Variants in PTPRD observed in about 807,000 individuals in gnomAD.
PTPRD encodes protein tyrosine phosphatase receptor type D.
In PTPRD, 34 loss-of-function variants were observed where a neutral mutation model predicts 214.5. That is an observed-to-expected ratio of 0.16 (90% confidence interval 0.12 to 0.21). The LOEUF is 0.21. Among genes scored for constraint, PTPRD ranks in the 10% least tolerant of loss-of-function variants. The probability of loss-of-function intolerance (pLI) is 1.00; values close to 1 mark genes in which losing one functional copy is unlikely to be tolerated. For missense variants in PTPRD, 2,545 were observed against 2,398.7 expected (o/e 1.06, Z -1.27); for synonymous variants, 1,128 against 845.7 (o/e 1.33, Z -5.79).
chr9:9,215,173 A>G (rs989380835), intron 9 of PTPRD, among the ~76,000 whole-genome samples: 1 of 152,204 alleles, frequency 6.6e-6, no homozygotes, highest in Non-Finnish European at 1.5e-5. Context: ...AACTTCCTTT[A>G]GAAGTCATCT....
chr9:9,540,450 A>G (rs1045784042), intron 8 of PTPRD, among the ~76,000 whole-genome samples: 1 of 151,912 alleles, frequency 6.6e-6, no homozygotes, highest in South Asian at 2.1e-4. Flanking sequence ...AATGTACAGT[A>G]ATGAAGTCTA....
At chr9:9,429,136 T>A (rs1569568250) in intron 8 of PTPRD, among the ~76,000 whole-genome samples, 1 of 151,582 alleles carries the variant, frequency 6.6e-6, no homozygotes. Flanking sequence ...AAAAGATCAA[T>A]GAAATTGATA....
At chr9:9,709,090 T>G (rs975053140) in intron 7 of PTPRD, among the ~76,000 whole-genome samples, 1 of 152,000 alleles carries the variant, frequency 6.6e-6, no homozygotes, top group Admixed American at 6.5e-5. Context: ...TTTCTTACTC[T>G]GAATAAATTG....
chr9:8,837,156 G>C (rs1184515362), intron 11 of PTPRD, among the ~76,000 whole-genome samples: 1 of 151,468 alleles, frequency 6.6e-6, no homozygotes, highest in Non-Finnish European at 1.5e-5. Flanking sequence ...CTCCCTAGTA[G>C]CTGGGATTAC....
At chr9:10,119,571 C>T (rs2382106) in intron 3 of PTPRD, among the ~76,000 whole-genome samples, 17,653 of 151,618 alleles carry the variant, frequency 0.12, 1,140 homozygotes, top group South Asian at 0.28. Context: ...ATAAAATAAA[C>T]GTGTCAAAGA....
chr9:8,769,253 C>A (rs568654088), intron 11 of PTPRD, among the ~76,000 whole-genome samples: 10 of 151,806 alleles, frequency 6.6e-5, no homozygotes, highest in African/African-American at 2.2e-4. Context: ...TTCGGAATTT[C>A]TTTATTTACT....
intron 3 of PTPRD, among the ~76,000 whole-genome samples, chr9:10,314,656 A>G (rs1440286859): frequency 6.6e-6 from 1 of 151,902 alleles, no homozygotes; most frequent in Non-Finnish European, 1.5e-5. Context: ...TATAGATTAG[A>G]TAGAGATAAT....
chr9:8,597,755 C>G (rs189120900), intron 14 of PTPRD, among the ~76,000 whole-genome samples: 14 of 152,224 alleles, frequency 9.2e-5, no homozygotes, highest in African/African-American at 3.4e-4. Context: ...TTCTCAAATA[C>G]TTATGTGGCT....
intron 3 of PTPRD, among the ~76,000 whole-genome samples, chr9:10,074,161 G>C (rs2098088259): frequency 6.6e-6 from 1 of 152,104 alleles, no homozygotes; most frequent in Non-Finnish European, 1.5e-5. Flanking sequence ...ATGTTTACTG[G>C]ATAGAATCAT....
chr9:10,023,607 A>G (rs2096865499), intron 4 of PTPRD, among the ~76,000 whole-genome samples: 1 of 149,706 alleles, frequency 6.7e-6, no homozygotes, highest in Non-Finnish European at 1.5e-5. Flanking sequence ...ATTTGCCAGA[A>G]CTTACATGGA....
In PTPRD at chr9:10,354,674, C is replaced by G. The variant is rs141916199; in HGVS notation, c.-599-13657G>C. On this transcript the variant is annotated intron_variant, in intron 2 of 45. Coordinates refer to ENST00000381196, the MANE Select transcript of PTPRD (RefSeq NM_002839.4). ...TTAAAATACCTTATCTGTCATATTA[C>G]TAGAAGGATTATATGAGGACACTGA... is the stretch of plus-strand genomic sequence containing the variant. 3.5e-3 allele frequency among the ~76,000 whole-genome samples: 534 copies of G among 152,218 alleles called. 5 individuals carry two copies. The highest frequency in any genetic ancestry group is 0.012 in the African/African-American group (510 of 41,530).
At chr9:9,341,498 C>T (rs2046794162) in intron 9 of PTPRD, among the ~76,000 whole-genome samples, 1 of 152,100 alleles carries the variant, frequency 6.6e-6, no homozygotes, top group African/African-American at 2.4e-5. Context: ...GCCTGGTTTC[C>T]TGGCACTTGT....
At chr9:9,162,448 CCAAGTAACAACCAGCATA>C (rs1055086153) in intron 10 of PTPRD, among the ~76,000 whole-genome samples, 3 of 152,062 alleles carry the variant, frequency 2.0e-5, no homozygotes, top group African/African-American at 7.2e-5. Flanking sequence ...TTCTCACTGC[CCAAGTAACAACCAGCATA>C]CACCTTTTCC....
At chr9:9,951,556 C>G (rs1173658419) in intron 4 of PTPRD, among the ~76,000 whole-genome samples, 1 of 152,186 alleles carries the variant, frequency 6.6e-6, no homozygotes, top group Non-Finnish European at 1.5e-5. Flanking sequence ...AACAGCACCC[C>G]CCAATGTTTC....
chr9:9,454,982 A>C (rs1408806791), intron 8 of PTPRD, among the ~76,000 whole-genome samples: 2 of 151,698 alleles, frequency 1.3e-5, no homozygotes, highest in African/African-American at 2.4e-5. Flanking sequence ...GCCTAAGGGC[A>C]CAGATTTATT....
chr9:9,964,405 G>A (rs2094552525), intron 4 of PTPRD, among the ~76,000 whole-genome samples: 1 of 152,180 alleles, frequency 6.6e-6, no homozygotes, highest in Non-Finnish European at 1.5e-5. Context: ...TTGAGAGAAT[G>A]AGAATGTTTT....
chr9:9,529,301 T>TAA (rs774855581), intron 8 of PTPRD, among the ~76,000 whole-genome samples: 61 of 143,538 alleles, frequency 4.2e-4, no homozygotes, highest in Non-Finnish European at 8.1e-4. Flanking sequence ...ATGGATTCAT[T>TAA]AAAAAAAAAA....
intron 5 of PTPRD, among the ~76,000 whole-genome samples, chr9:9,896,595 A>AT (rs1330267231): frequency 6.6e-6 from 1 of 152,046 alleles, no homozygotes; most frequent in Non-Finnish European, 1.5e-5. Flanking sequence ...GAACATTTAT[A>AT]TTTTTTTACA....
At position 8,404,406 on chromosome 9, in the gene PTPRD, G is replaced by C. The variant is rs1331805854; in HGVS notation, c.4210+131C>G. ...AGCCTCCCAAAGTGCTGGGATTACA[G>C]GCGTGAGCCACCATGCACAGCCATC... is the stretch of plus-strand genomic sequence containing the variant. On this transcript the variant is annotated intron_variant, in intron 36 of 45. Coordinates refer to ENST00000381196, the MANE Select transcript of PTPRD (RefSeq NM_002839.4). 5 of 1,251,714 alleles carry C rather than the reference G, an allele frequency of 4.0e-6. No homozygotes were observed. In the Admixed American group the frequency reaches 1.0e-4, roughly 26 times the overall value. 77.5% of individuals were successfully genotyped at this position (1,251,714 alleles called of 1,614,324 possible). A position where few individuals can be genotyped will look rare whatever the true frequency, so the allele number is the denominator to read the frequency against.
Sources: gnomAD v4.1 joint callset for allele counts (sites outside exome capture counted in the v4.1 genomes callset) on GRCh38, gnomAD v4.1.1 for gene constraint, MANE v1.5 for transcripts, NCBI Gene and HGNC (gene_info 2026-07-23, HGNC 2026-07-21) for gene names.